ASPH: variants seen among roughly 807,000 people sequenced by gnomAD.
The protein encoded by ASPH is aspartate beta-hydroxylase, also known as aspartyl/asparaginyl beta-hydroxylase.
Under a neutral mutation model 118.4 loss-of-function variants are expected in ASPH, and 100 were observed. The observed-to-expected ratio is 0.84, with a 90% CI of 0.72 to 1.00. The LOEUF (loss-of-function observed/expected upper bound fraction) is 1.00. Among genes scored for constraint, ASPH ranks in the 50% least tolerant of loss-of-function variants. The pLI, the probability that ASPH is intolerant of heterozygous loss-of-function variation, is 0.00. For synonymous variants in ASPH, 315 were observed against 325.6 expected (o/e 0.97, Z 0.35); for missense variants, 920 against 919.5 (o/e 1.00, Z -0.01).
intron 14 of ASPH, among the ~76,000 whole-genome samples, chr8:61,597,211 A>C (rs913981782): frequency 7.9e-5 from 12 of 151,008 alleles, no homozygotes; most frequent in African/African-American, 1.2e-4. Context: ...AAAAAAAAAA[A>C]AAAACAATGA....
intron 22 of ASPH, among the ~76,000 whole-genome samples, chr8:61,522,258 T>C (rs1337781557): frequency 2.0e-5 from 3 of 152,226 alleles, no homozygotes; most frequent in Admixed American, 6.5e-5. Context: ...ACTACTTGGA[T>C]ACTGTATCAG....
At chr8:61,562,911 A>T in intron 17 of ASPH, 31 bp from the exon 18 acceptor site, 1 of 1,554,688 alleles carries the variant, frequency 6.4e-7, no homozygotes, top group Non-Finnish European at 8.6e-7. Context: ...AAAAAATAGA[A>T]ATAAAAACAG....
At chr8:61,700,186 C>G (rs1259201844) in intron 1 of ASPH, among the ~76,000 whole-genome samples, 1 of 152,182 alleles carries the variant, frequency 6.6e-6, no homozygotes, top group Non-Finnish European at 1.5e-5. Flanking sequence ...TCAAAGAACT[C>G]ACATGGGCAG....
In ASPH at chr8:61,690,381, G is replaced by T. The variant is rs1832272514; in HGVS notation, c.104-6193C>A. Among the ~76,000 whole-genome samples, 4 of 152,156 alleles carry T rather than the reference G, an allele frequency of 2.6e-5. No homozygotes were observed. In the South Asian group the frequency reaches 8.3e-4, roughly 32 times the overall value. On this transcript the variant is annotated intron_variant, in intron 1 of 24. Coordinates refer to ENST00000379454, the MANE Select transcript of ASPH (RefSeq NM_004318.4). ...GGACAGAGGACTGGTGGGAAGGAAA[G>T]AAATAGAAGGAAGGCTGGGAGGTGA... is the stretch of plus-strand genomic sequence containing the variant.
chr8:61,540,715 T>C (rs1277610221), intron 21 of ASPH, among the ~76,000 whole-genome samples: 1 of 152,078 alleles, frequency 6.6e-6, no homozygotes, highest in African/African-American at 2.4e-5. Flanking sequence ...ATATGATGCA[T>C]TTTACTGAGC....
intron 24 of ASPH, among the ~76,000 whole-genome samples, chr8:61,507,405 C>T (rs1442107159): frequency 6.6e-6 from 1 of 152,192 alleles, no homozygotes; most frequent in African/African-American, 2.4e-5. Flanking sequence ...TTTGCCCTTC[C>T]ACTTTCTTTC....
chr8:61,553,656 A>G (rs1826822391), intron 19 of ASPH, among the ~76,000 whole-genome samples: 1 of 152,152 alleles, frequency 6.6e-6, no homozygotes, highest in South Asian at 2.1e-4. Flanking sequence ...TGAATCTTTA[A>G]AAATGTAATT....
intron 5 of ASPH, among the ~76,000 whole-genome samples, chr8:61,650,568 T>C (rs938404589): frequency 6.6e-6 from 1 of 152,232 alleles, no homozygotes; most frequent in African/African-American, 2.4e-5. Context: ...TGAAAAATTT[T>C]TAAATTTAAG....
intron 14 of ASPH, among the ~76,000 whole-genome samples, chr8:61,599,826 C>T (rs1843460068): frequency 6.6e-6 from 1 of 152,024 alleles, no homozygotes; most frequent in South Asian, 2.1e-4. Flanking sequence ...TTGAATTTCA[C>T]CAAACTTTTA....
At position 61,503,410 on chromosome 8, in the gene ASPH, C is replaced by T. The variant is rs145655091; in HGVS notation, c.2226G>A (p.Val742=). The T allele has an allele frequency of 8.4e-5, 135 of 1,612,920 alleles. No homozygotes were observed. The African/African-American group carries it at 1.5e-3, about 18-fold the overall frequency. The change falls in exon 25 of 25, where the codon GTG becomes GTA. Residue 742 remains valine (V), a synonymous_variant. Coordinates refer to ENST00000379454, the MANE Select transcript of ASPH (RefSeq NM_004318.4). Reference sequence around the variant, plus strand: ...GCTGTGGTGTCAGTTCCGGATGCCACACATCCACGATGAATATCAGCCGGA... The same window carrying T: ...GCTGTGGTGTCAGTTCCGGATGCCATACATCCACGATGAATATCAGCCGGA... ...SSFRLIFIVD[V]WHPELTPQQR... is the part of the protein sequence containing the mutation.
At position 61,714,458 on chromosome 8, in the gene ASPH, GCGGGCCGCTGGAGCGGGTT is replaced by G. The variant is rs1379010839; in HGVS notation, c.-106_-88del. On this transcript the variant is annotated 5_prime_UTR_variant, in exon 1 of 25. Coordinates refer to ENST00000379454, the MANE Select transcript of ASPH (RefSeq NM_004318.4). Reference sequence around the variant, plus strand: ...CGCGACGCGGGAACCGCTGGCGGCGGCGGGCCGCTGGAGCGGGTTCGGGCCGCTGCTCCTGCAGCAGACC... The same window carrying G: ...CGCGACGCGGGAACCGCTGGCGGCGGCGGGCCGCTGCTCCTGCAGCAGACC... 13 of 1,362,394 alleles carry G rather than the reference GCGGGCCGCTGGAGCGGGTT, an allele frequency of 9.5e-6. No individual in the cohort carries two copies. The highest frequency in any genetic ancestry group is 1.7e-5 in the South Asian group (1 of 60,324). 84.4% of individuals were successfully genotyped at this position (1,362,394 alleles called of 1,614,324 possible).
At chr8:61,511,790 G>A (rs1321921902) in intron 24 of ASPH, among the ~76,000 whole-genome samples, 1 of 152,134 alleles carries the variant, frequency 6.6e-6, no homozygotes, top group Non-Finnish European at 1.5e-5. Context: ...TTTTAGTAGA[G>A]ACTGGGTTTC....
chr8:61,665,197 T>A, intron 3 of ASPH: 1 of 1,522,324 alleles, frequency 6.6e-7, no homozygotes, highest in Admixed American at 2.3e-5. Context: ...TGCTTTTTTG[T>A]AACAAACTGC....
intron 21 of ASPH, among the ~76,000 whole-genome samples, chr8:61,539,013 A>G (rs960638973): frequency 1.3e-5 from 2 of 152,170 alleles, no homozygotes; most frequent in African/African-American, 4.8e-5. Flanking sequence ...AGGCCAAGGT[A>G]GACGGATCAC....
intron 3 of ASPH, chr8:61,676,444 T>G: frequency 1.1e-6 from 1 of 874,116 alleles, no homozygotes; most frequent in Non-Finnish European, 1.7e-6. Context: ...AGAAACGGTA[T>G]TTGGAAAATA....
intron 1 of ASPH, among the ~76,000 whole-genome samples, chr8:61,701,896 A>G (rs1246731686): frequency 6.6e-6 from 1 of 152,218 alleles, no homozygotes. Context: ...AAACTTAGCA[A>G]AACATTCTTA....
At chr8:61,663,481 A>T in intron 3 of ASPH, 1 of 985,432 alleles carries the variant, frequency 1.0e-6, no homozygotes, top group Non-Finnish European at 1.2e-6. Context: ...TAACTCAGGC[A>T]GAAACCAGCA....
intron 19 of ASPH, among the ~76,000 whole-genome samples, chr8:61,553,563 C>T (rs560157657): frequency 4.0e-5 from 6 of 151,604 alleles, no homozygotes; most frequent in African/African-American, 1.4e-4. Flanking sequence ...AGCATTATTT[C>T]TTTCCATTCA....
At chr8:61,626,212 C>A (rs1369660178) in intron 13 of ASPH, 24 of 1,473,108 alleles carry the variant, frequency 1.6e-5, no homozygotes, top group Non-Finnish European at 2.1e-5. Flanking sequence ...TCACAGCCAT[C>A]TTTTGGAGCG....
Sources: gnomAD v4.1 joint callset for allele counts (sites outside exome capture counted in the v4.1 genomes callset) on GRCh38, gnomAD v4.1.1 for gene constraint, MANE v1.5 for transcripts, NCBI Gene and HGNC (gene_info 2026-07-23, HGNC 2026-07-21) for gene names.